The following KLHL1 variants were observed in gnomAD, a reference collection of about 807,000 sequenced individuals.
KLHL1 encodes kelch like family member 1.
Under a neutral mutation model 77.7 loss-of-function variants are expected in KLHL1, and 47 were observed. The ratio of observed to expected loss-of-function variants is 0.60; its 90% CI spans 0.48 to 0.77. The LOEUF (loss-of-function observed/expected upper bound fraction) is 0.77. KLHL1 is among the 30% of genes least tolerant of loss of function. The pLI, the probability that KLHL1 is intolerant of heterozygous loss-of-function variation, is 0.00. For synonymous variants in KLHL1, 360 were observed against 325.2 expected (o/e 1.11, Z -1.15); for missense variants, 925 against 910.8 (o/e 1.02, Z -0.20).
chr13:70,091,905 A>C (rs1887680587), intron 1 of KLHL1, among the ~76,000 whole-genome samples: 1 of 151,976 alleles, frequency 6.6e-6, no homozygotes, highest in Non-Finnish European at 1.5e-5. Context: ...AATTTTTTGC[A>C]ACTGTTCCCT....
In KLHL1 at chr13:69,764,095, G is replaced by C. The variant is rs1593807425; in HGVS notation, c.1640-23539C>G. Among the ~76,000 whole-genome samples the C allele has an allele frequency of 2.0e-5, 3 of 152,242 alleles. No individual in the cohort carries two copies. In the South Asian group the frequency reaches 6.2e-4, roughly 32 times the overall value. ...TCAAAATTGAGAGGTTGACAAAATGGGGGAAATCGTTGAATTAAATTTAGC... is the reference window on the plus strand; with the variant it reads ...TCAAAATTGAGAGGTTGACAAAATGCGGGAAATCGTTGAATTAAATTTAGC... On this transcript the variant is annotated intron_variant, in intron 7 of 10. Coordinates refer to ENST00000377844, the MANE Select transcript of KLHL1 (RefSeq NM_020866.3).
At chr13:69,821,247 C>T (rs8001504) in intron 6 of KLHL1, among the ~76,000 whole-genome samples, 12,392 of 151,952 alleles carry the variant, frequency 0.082, 961 homozygotes, top group African/African-American at 0.2. Context: ...TAAATTATTA[C>T]GAGAAAATAA....
intron 7 of KLHL1, among the ~76,000 whole-genome samples, chr13:69,765,875 G>T (rs569923963): frequency 7.9e-5 from 12 of 152,304 alleles, no homozygotes; most frequent in Admixed American, 3.3e-4. Flanking sequence ...TTGCTCCACA[G>T]AGGCTCATCT....
At chr13:69,951,594 T>TACC (rs1190082127) in intron 3 of KLHL1, among the ~76,000 whole-genome samples, 4 of 151,526 alleles carry the variant, frequency 2.6e-5, no homozygotes, top group Non-Finnish European at 5.9e-5. Context: ...TCTACCATCC[T>TACC]ACCCTCTGTG....
At chr13:69,842,568 A>G (rs77056764) in intron 5 of KLHL1, among the ~76,000 whole-genome samples, 12,281 of 151,928 alleles carry the variant, frequency 0.081, 935 homozygotes, top group African/African-American at 0.2. Context: ...GGAGAAAATG[A>G]AACTTACATA....
intron 8 of KLHL1, among the ~76,000 whole-genome samples, chr13:69,721,858 C>G (rs1379118759): frequency 6.6e-6 from 1 of 151,908 alleles, no homozygotes; most frequent in Admixed American, 6.6e-5. Context: ...TAAAATTAAC[C>G]AATAGGAACA....
intron 4 of KLHL1, among the ~76,000 whole-genome samples, chr13:69,904,338 G>A (rs1157676609): frequency 6.6e-6 from 1 of 152,058 alleles, no homozygotes; most frequent in Non-Finnish European, 1.5e-5. Flanking sequence ...AATAGAATAT[G>A]AATATAAAAA....
chr13:69,731,213 T>G (rs914659354), intron 8 of KLHL1, among the ~76,000 whole-genome samples: 12 of 152,314 alleles, frequency 7.9e-5, no homozygotes, highest in African/African-American at 2.9e-4. Flanking sequence ...TTTCTATGAA[T>G]GTCATTAAAA....
intron 4 of KLHL1, among the ~76,000 whole-genome samples, chr13:69,922,067 TA>T (rs1490680117): frequency 2.6e-5 from 4 of 151,992 alleles, no homozygotes; most frequent in Non-Finnish European, 5.9e-5. Context: ...TAGCTGGGAC[TA>T]AACGTGCACA....
chr13:69,781,369 C>T (rs114105065), intron 7 of KLHL1, among the ~76,000 whole-genome samples: 1,748 of 148,424 alleles, frequency 0.012, 34 homozygotes, highest in African/African-American at 0.041. Flanking sequence ...TTGGCAGAAC[C>T]CACAATGCAT....
chr13:69,705,369 C>T (rs1315916894), intron 10 of KLHL1, among the ~76,000 whole-genome samples: 2 of 151,586 alleles, frequency 1.3e-5, no homozygotes, highest in African/African-American at 2.4e-5. Flanking sequence ...TTAATCGATT[C>T]CTAATCTATT....
intron 7 of KLHL1, among the ~76,000 whole-genome samples, chr13:69,780,735 TATATATATAC>T (rs777847198): frequency 0.31 from 33,672 of 110,340 alleles, 5,511 homozygotes; most frequent in South Asian, 0.39. Flanking sequence ...TATATATACA[TATATATATAC>T]ATATATATAT....
chr13:69,808,323 AC>A (rs1420880530), intron 6 of KLHL1, among the ~76,000 whole-genome samples: 1 of 151,970 alleles, frequency 6.6e-6, no homozygotes, highest in African/African-American at 2.4e-5. Flanking sequence ...ACCACTACCT[AC>A]TGTCTCTTAC....
At chr13:69,714,821 T>A (rs999444157) in intron 9 of KLHL1, among the ~76,000 whole-genome samples, 1 of 152,016 alleles carries the variant, frequency 6.6e-6, no homozygotes. Flanking sequence ...CTTAAACCCC[T>A]GAGCTCAAGC....
chr13:70,040,447 A>G (rs577949770), intron 1 of KLHL1, among the ~76,000 whole-genome samples: 2 of 152,276 alleles, frequency 1.3e-5, no homozygotes, highest in Non-Finnish European at 2.9e-5. Context: ...GTACCTGTGA[A>G]TCCAATATTT....
At chr13:70,064,486 T>C (rs1886961329) in intron 1 of KLHL1, among the ~76,000 whole-genome samples, 1 of 152,204 alleles carries the variant, frequency 6.6e-6, no homozygotes, top group African/African-American at 2.4e-5. Flanking sequence ...TACAGAGTTG[T>C]TATAACTTGT....
chr13:70,089,930 G>A (rs182250534), intron 1 of KLHL1, among the ~76,000 whole-genome samples: 57 of 152,192 alleles, frequency 3.7e-4, no homozygotes, highest in African/African-American at 1.2e-3. Flanking sequence ...TTACATTAAA[G>A]TAACCAAAGC....
intron 5 of KLHL1, among the ~76,000 whole-genome samples, chr13:69,860,329 T>G (rs1880092486): frequency 6.6e-6 from 1 of 152,044 alleles, no homozygotes; most frequent in Admixed American, 6.6e-5. Flanking sequence ...ATTCTTGTAT[T>G]AAGCATGTGT....
Position 70,000,121 on chromosome 13 carries a change from C to A in KLHL1, c.498-24319G>T, listed in dbSNP as rs1885251091. Among the ~76,000 whole-genome samples, 4 of 151,734 alleles carry A rather than the reference C, an allele frequency of 2.6e-5. No individual in the cohort carries two copies. In the South Asian group the frequency reaches 8.3e-4, roughly 32 times the overall value. On this transcript the variant is annotated intron_variant, in intron 1 of 10. Coordinates refer to ENST00000377844, the MANE Select transcript of KLHL1 (RefSeq NM_020866.3). The stretch of plus-strand genomic sequence containing the variant: ...TCTCTGTCTCCTGCTTCCTCTGTTG[C>A]CATGTGACAGGTTGGTTCCACTTGT...
Sources: allele counts gnomAD v4.1 joint callset (sites outside exome capture counted in the v4.1 genomes callset), GRCh38; gene constraint gnomAD v4.1.1; transcripts MANE v1.5; gene names NCBI Gene and HGNC (gene_info 2026-07-23, HGNC 2026-07-21).